Variants in RIN2 observed in about 807,000 individuals in gnomAD.
RIN2 encodes the protein RAB5 interacting protein 2.
A neutral mutation model predicts 78.0 loss-of-function variants in RIN2; 36 were observed. The observed-to-expected ratio is 0.46, with a 90% CI of 0.35 to 0.61. The LOEUF is 0.61. RIN2 is among the 20% of genes least tolerant of loss of function. RIN2 has a pLI of 0.00. For synonymous variants in RIN2, 466 were observed against 466.8 expected (o/e 1.00, Z 0.02); for missense variants, 1,087 against 1,159.7 (o/e 0.94, Z 0.91).
chr20:19,898,165 A>T (rs749360230), intron 3 of RIN2, among the ~76,000 whole-genome samples: 9 of 152,170 alleles, frequency 5.9e-5, no homozygotes, highest in Non-Finnish European at 1.3e-4. Flanking sequence ...AAAGCAATGG[A>T]TCTCATGGTT....
intron 2 of RIN2, among the ~76,000 whole-genome samples, chr20:19,817,428 T>C (rs1426332553): frequency 6.6e-6 from 1 of 152,056 alleles, no homozygotes; most frequent in African/African-American, 2.4e-5. Flanking sequence ...CATGAGAGCT[T>C]CACTCAAGAC....
intron 2 of RIN2, among the ~76,000 whole-genome samples, chr20:19,820,408 C>G (rs2035892105): frequency 1.3e-5 from 2 of 152,192 alleles, no homozygotes; most frequent in African/African-American, 4.8e-5. Flanking sequence ...ACTACAGACT[C>G]TTAAATTGTC....
intron 2 of RIN2, among the ~76,000 whole-genome samples, chr20:19,844,645 CTTCTTCTT>C (rs2036698744): frequency 3.1e-5 from 4 of 127,372 alleles, no homozygotes; most frequent in Admixed American, 8.2e-5. Flanking sequence ...TCTTCTTCTT[CTTCTTCTT>C]CTTCTTCTTC....
intron 2 of RIN2, among the ~76,000 whole-genome samples, chr20:19,879,880 A>G (rs2037967216): frequency 6.6e-6 from 1 of 152,210 alleles, no homozygotes; most frequent in Non-Finnish European, 1.5e-5. Context: ...TGTAAGAAAA[A>G]TCCAACCACA....
At chr20:19,879,413 T>C (rs2037951950) in intron 2 of RIN2, among the ~76,000 whole-genome samples, 2 of 152,230 alleles carry the variant, frequency 1.3e-5, no homozygotes, top group Non-Finnish European at 2.9e-5. Flanking sequence ...GCACATTTAC[T>C]ATGTTTAGAA....
At position 19,989,358 on chromosome 20, in the gene RIN2, C is replaced by T. The variant is rs188802581; in HGVS notation, c.1763-648C>T. On this transcript the variant is annotated intron_variant, in intron 9 of 12. Transcript: ENST00000255006. ...GCACAATCTTGGCTCACTGCAACCT[C>T]TGCCTCTTGGGTTCAAACAATTCTC... Among the ~76,000 whole-genome samples, 3 of 149,080 alleles carry T rather than the reference C, an allele frequency of 2.0e-5. No individual in the cohort carries two copies. The East Asian group carries it at 6.0e-4, about 30-fold the overall frequency.
intron 8 of RIN2, among the ~76,000 whole-genome samples, chr20:19,973,464 G>C (rs912662145): frequency 2.0e-5 from 3 of 152,170 alleles, no homozygotes; most frequent in Non-Finnish European, 1.5e-5. Flanking sequence ...GGGAAAGAAA[G>C]ACACTGCAAA....
At chr20:19,766,253 G>A (rs1427040974) in intron 1 of RIN2, among the ~76,000 whole-genome samples, 2 of 152,090 alleles carry the variant, frequency 1.3e-5, no homozygotes, top group Admixed American at 1.3e-4. Context: ...CCCAATATTT[G>A]CAGCTAATGT....
upstream of RIN2, chr20:19,757,663 G>C (rs1002625473): frequency 6.6e-6 from 1 of 152,442 alleles, no homozygotes; most frequent in Admixed American, 6.5e-5. Context: ...CAGGCCTCTC[G>C]AGTGGGGCCT....
rs995075100 is a variant in RIN2 at position 19,873,527 on chromosome 20, C to T, written c.-36-16039C>T. 2.0e-5 allele frequency among the ~76,000 whole-genome samples: 3 copies of T among 152,176 alleles called. No homozygotes were observed. In the East Asian group the frequency reaches 5.8e-4, roughly 29 times the overall value. On this transcript the variant is annotated intron_variant, in intron 2 of 12. Transcript: ENST00000255006. ...TCAGTTCTACCACTGTAGCCTGAAA[C>T]AGCTATAGACTATATGTTAATAAAG...
chr20:19,868,756 A>C (rs1042537620), intron 2 of RIN2, among the ~76,000 whole-genome samples: 2 of 152,110 alleles, frequency 1.3e-5, no homozygotes, highest in African/African-American at 4.8e-5. Flanking sequence ...TAGCACAGAG[A>C]TGATCTCTGA....
chr20:20,000,677 G>A lies in RIN2; in HGVS notation c.2429G>A (p.Arg810Lys), dbSNP rs757880666. 3 of 1,613,320 alleles carry A rather than the reference G, an allele frequency of 1.9e-6. No homozygotes were observed. The highest frequency in any genetic ancestry group is 2.5e-6 in the Non-Finnish European group (3 of 1,179,296). ...TGCACAGGAAAGACCCTCCTTGTGA[G>A]ACCTTACATCACCACTGAGGATGTG... is the stretch of plus-strand genomic sequence containing the variant. ...SGCTGKTLLV[R>K]PYITTEDVCQ... Residue 810 changes from arginine (R) to lysine (K), a missense_variant, in exon 13 of 13, where the codon AGA becomes AAA. This residue lies in a region of RIN2 where 160 missense variants were observed against 179.4 expected (regional missense o/e 0.89). Transcript: ENST00000255006.
chr20:19,953,162 G>A (rs1241123471), intron 4 of RIN2, among the ~76,000 whole-genome samples: 4 of 152,026 alleles, frequency 2.6e-5, no homozygotes, highest in Admixed American at 1.3e-4. Flanking sequence ...TTTTGGAGAC[G>A]GAGTCTTGCT....
rs1459900558 is a variant in RIN2, at chr20:19,956,727, C to T, written c.271C>T (p.Leu91Phe). The T allele has an allele frequency of 6.2e-7, 1 of 1,610,618 alleles. No homozygotes were observed. Among genetic ancestry groups the T allele is most frequent in the South Asian group, 1.1e-5 (1 of 90,166 alleles). ...CAGGCTCAGCATCTTGGACCGGCTCCTCCACACCCACCCCATATGGCTGCA... is the reference window on the plus strand; with the variant it reads ...CAGGCTCAGCATCTTGGACCGGCTCTTCCACACCCACCCCATATGGCTGCA... ...SNRLSILDRL[L>F]HTHPIWLQLS... is the part of the protein sequence containing the mutation. Residue 91 changes from leucine (L) to phenylalanine (F), a missense_variant, in exon 5 of 13, where the codon CTC becomes TTC. Coordinates refer to ENST00000255006, the MANE Select transcript of RIN2 (RefSeq NM_018993.4).
At chr20:19,840,526 A>T (rs1449143255) in intron 2 of RIN2, among the ~76,000 whole-genome samples, 1 of 152,218 alleles carries the variant, frequency 6.6e-6, no homozygotes, top group Admixed American at 6.5e-5. Flanking sequence ...AGTTTATAGG[A>T]ATGCCTTATC....
intron 9 of RIN2, among the ~76,000 whole-genome samples, chr20:19,977,932 G>C (rs2042332562): frequency 6.6e-6 from 1 of 152,082 alleles, no homozygotes; most frequent in Non-Finnish European, 1.5e-5. Context: ...ATTCTGTTTT[G>C]AAAGTATAGT....
rs1478534839 is a variant in RIN2 at position 19,848,740 on chromosome 20, T to C, written c.-36-40826T>C. ...GATGATGGAAAAAATAGGTTTATCG[T>C]GAGTTTATATCCATTCGATTTATTT... is the stretch of plus-strand genomic sequence containing the variant. On this transcript the variant is annotated intron_variant, in intron 2 of 12. Coordinates refer to ENST00000255006, the MANE Select transcript of RIN2 (RefSeq NM_018993.4). 2.6e-5 allele frequency among the ~76,000 whole-genome samples: 4 copies of C among 152,050 alleles called. No homozygotes were observed. In the East Asian group the frequency reaches 7.7e-4, roughly 29 times the overall value.
intron 9 of RIN2, among the ~76,000 whole-genome samples, chr20:19,984,371 A>C (rs78651464): frequency 2.2e-4 from 34 of 152,348 alleles, no homozygotes; most frequent in African/African-American, 7.9e-4. Flanking sequence ...CCTGGACAGC[A>C]TGTGACATAC....
At chr20:19,898,724 A>G (rs772425086) in intron 3 of RIN2, among the ~76,000 whole-genome samples, 1 of 152,218 alleles carries the variant, frequency 6.6e-6, no homozygotes, top group Non-Finnish European at 1.5e-5. Context: ...AATACCACAT[A>G]AGTCAAACAC....
Sources: gnomAD v4.1 joint callset for allele counts (sites outside exome capture counted in the v4.1 genomes callset) on GRCh38, gnomAD v4.1.1 for gene constraint, gnomAD v4.1.1 regional missense constraint, MANE v1.5 for transcripts, NCBI Gene and HGNC (gene_info 2026-07-23, HGNC 2026-07-21) for gene names.